The following PCAT7 variants were observed in gnomAD, a reference collection of about 807,000 sequenced individuals.
PCAT7 encodes the protein prostate cancer associated transcript 7.
At chr9:94,559,339 G>A (rs1292557064) in intron 2 of PCAT7, among the ~76,000 whole-genome samples, 1 of 152,190 alleles carries the variant, frequency 6.6e-6, no homozygotes, top group Non-Finnish European at 1.5e-5. Flanking sequence ...AGCCTTGGGG[G>A]CCCCTCTGGC....
chr9:94,561,596 A>G (rs372353845), intron 2 of PCAT7, among the ~76,000 whole-genome samples: 1 of 151,812 alleles, frequency 6.6e-6, no homozygotes, highest in Admixed American at 6.6e-5. Flanking sequence ...CGATCTTCTG[A>G]CCTCGTGATC....
At chr9:94,567,460 C>G in intron 2 of PCAT7, 1 of 1,586,060 alleles carries the variant, frequency 6.3e-7, no homozygotes, top group Non-Finnish European at 8.6e-7. Flanking sequence ...GGAAACAAGC[C>G]AACCGCACAA....
At chr9:94,558,606 C>G in intron 1 of PCAT7, 1 of 301,686 alleles carries the variant, frequency 3.3e-6, no homozygotes, top group Non-Finnish European at 6.3e-6. Flanking sequence ...AAATTCTTAA[C>G]TAATCTATGT....
At chr9:94,566,252 T>C (rs1441298505) in intron 2 of PCAT7, among the ~76,000 whole-genome samples, 1 of 152,242 alleles carries the variant, frequency 6.6e-6, no homozygotes, top group East Asian at 1.9e-4. Flanking sequence ...AAACAAAGTC[T>C]CTGCAGCACT....
At chr9:94,564,109 G>C (rs1269375711) in intron 2 of PCAT7, among the ~76,000 whole-genome samples, 1 of 152,042 alleles carries the variant, frequency 6.6e-6, no homozygotes, top group African/African-American at 2.4e-5. Flanking sequence ...TCAAGACCTC[G>C]AATCAACACT....
chr9:94,560,565 T>TA (rs1455219251), intron 2 of PCAT7, among the ~76,000 whole-genome samples: 27 of 152,092 alleles, frequency 1.8e-4, no homozygotes, highest in African/African-American at 6.3e-4. Flanking sequence ...ATTATCACCT[T>TA]ACGAAATGGT....
chr9:94,572,121 C>CT, intron 2 of PCAT7, among the ~76,000 whole-genome samples: 1 of 152,306 alleles, frequency 6.6e-6, no homozygotes, highest in South Asian at 2.1e-4. Flanking sequence ...GCCTTTCTCT[C>CT]TGACTCTGTG....
intron 1 of PCAT7, among the ~76,000 whole-genome samples, chr9:94,557,654 C>T (rs567548611): frequency 1.3e-5 from 2 of 152,296 alleles, no homozygotes; most frequent in East Asian, 1.9e-4. Context: ...TGGTCCCACC[C>T]GACACTGCCT....
At chr9:94,571,737 C>T (rs903061274) in intron 2 of PCAT7, 31 of 788,822 alleles carry the variant, frequency 3.9e-5, no homozygotes, top group Non-Finnish European at 5.5e-5. Context: ...GCTGCAAATC[C>T]ATCCAGAGGA....
chr9:94,568,125 CT>C (rs1402989822), intron 2 of PCAT7: 2 of 26,358 alleles, frequency 7.6e-5, no homozygotes, highest in Admixed American at 6.8e-4. Context: ...AAGACTCCAT[CT>C]CAAAAAAAAA....
chr9:94,566,694 C>T (rs938400140), intron 2 of PCAT7, among the ~76,000 whole-genome samples: 1 of 152,096 alleles, frequency 6.6e-6, no homozygotes, highest in Non-Finnish European at 1.5e-5. Context: ...TGGCAGGGCA[C>T]CCATTTTTCT....
At chr9:94,554,921 C>G (rs1219025963), upstream of PCAT7, 1 of 152,290 alleles carries the variant, frequency 6.6e-6, no homozygotes, top group Non-Finnish European at 1.5e-5. Context: ...GCTTTATATA[C>G]TGAGGTTAGG....
In PCAT7 at chr9:94,561,555, C is replaced by T. The variant is rs558962290; in HGVS notation, n.441+2403C>T. 3.8e-4 allele frequency among the ~76,000 whole-genome samples: 58 copies of T among 151,956 alleles called. 1 individual carries two copies. Among genetic ancestry groups the T allele is most frequent in the Admixed American group, 3.1e-3 (48 of 15,248 alleles). ...TTATTTTTTGTATTTTTAGTAGAGA[C>T]GGGGTTTCACTGTGTTAGCCAGGAT... On this transcript the variant is annotated intron_variant and non_coding_transcript_variant, in intron 2 of 8. Coordinates refer to ENST00000647389, the Ensembl canonical transcript of PCAT7.
intron 2 of PCAT7, chr9:94,563,486 A>G: frequency 6.2e-7 from 1 of 1,608,536 alleles, no homozygotes; most frequent in Non-Finnish European, 8.5e-7. Context: ...GCGAAGAGAC[A>G]AGATCCAGTG....
chr9:94,555,514 G>A (rs1826995158), intron 1 of PCAT7, among the ~76,000 whole-genome samples: 1 of 151,060 alleles, frequency 6.6e-6, no homozygotes, highest in Non-Finnish European at 1.5e-5. Flanking sequence ...CAGAAAGACG[G>A]TGGGTAGAAA....
intron 2 of PCAT7, among the ~76,000 whole-genome samples, chr9:94,572,576 G>A (rs1827281005): frequency 1.3e-5 from 2 of 152,126 alleles, no homozygotes; most frequent in Admixed American, 1.3e-4. Flanking sequence ...TTTCATTCAC[G>A]GGCTTAGTGT....
At chr9:94,558,435 C>T (rs1370803644) in intron 1 of PCAT7, among the ~76,000 whole-genome samples, 1 of 152,174 alleles carries the variant, frequency 6.6e-6, no homozygotes, top group African/African-American at 2.4e-5. Context: ...GCTGGGACTA[C>T]AGGCGCCCGC....
At chr9:94,562,216 A>C (rs773036933) in intron 2 of PCAT7, among the ~76,000 whole-genome samples, 1 of 149,860 alleles carries the variant, frequency 6.7e-6, no homozygotes, top group African/African-American at 2.5e-5. Flanking sequence ...AGGCTGAGGC[A>C]GGAGAATGGT....
At chr9:94,573,228 G>C (rs533273585) in intron 3 of PCAT7, among the ~76,000 whole-genome samples, 4 of 152,168 alleles carry the variant, frequency 2.6e-5, no homozygotes, top group Admixed American at 1.3e-4. Flanking sequence ...ATAGAGTTAA[G>C]GGACGCTCCT....
Sources: allele counts gnomAD v4.1 joint callset (sites outside exome capture counted in the v4.1 genomes callset), GRCh38; gene constraint gnomAD v4.1.1; transcripts MANE v1.5; gene names NCBI Gene and HGNC (gene_info 2026-07-23, HGNC 2026-07-21).